AUTS2: variants seen among roughly 807,000 people sequenced by gnomAD.
AUTS2 encodes autism susceptibility gene 2 protein.
A neutral mutation model predicts 112.4 loss-of-function variants in AUTS2; 17 were observed. The observed-to-expected ratio is 0.15, with a 90% CI of 0.10 to 0.23. AUTS2 has a LOEUF of 0.23. Among genes scored for constraint, AUTS2 ranks in the 10% least tolerant of loss-of-function variants. AUTS2 has a pLI of 1.00. For synonymous variants in AUTS2, 751 were observed against 702.7 expected (o/e 1.07, Z -1.09); for missense variants, 1,510 against 1,701.6 (o/e 0.89, Z 1.98).
intron 4 of AUTS2, among the ~76,000 whole-genome samples, chr7:70,315,924 T>G (rs1789973604): frequency 6.6e-6 from 1 of 152,228 alleles, no homozygotes; most frequent in Non-Finnish European, 1.5e-5. Flanking sequence ...TGTACATATA[T>G]TATTTAGTTG....
intron 1 of AUTS2, among the ~76,000 whole-genome samples, chr7:69,836,068 A>G (rs978582213): frequency 6.6e-6 from 1 of 152,228 alleles, no homozygotes; most frequent in Non-Finnish European, 1.5e-5. Flanking sequence ...AAGCCTTACA[A>G]AATTATGTGC....
chr7:70,494,595 C>A lies in AUTS2; in HGVS notation c.690+58814C>A, dbSNP rs540667434. Among the ~76,000 whole-genome samples, 15 of 151,302 alleles carry A rather than the reference C, an allele frequency of 9.9e-5. 1 individual carries two copies. In the South Asian group the frequency reaches 3.2e-3, roughly 32 times the overall value. On this transcript the variant is annotated intron_variant, in intron 5 of 18. Coordinates refer to ENST00000342771, the MANE Select transcript of AUTS2 (RefSeq NM_015570.4). ...CGCCCCTCCCCCCCGACACTCAGAT[C>A]CCTTCAGTTCCCACTGGCTGCCATT...
intron 1 of AUTS2, among the ~76,000 whole-genome samples, chr7:69,638,650 A>G (rs765868929): frequency 7.2e-5 from 11 of 152,076 alleles, no homozygotes; most frequent in Admixed American, 7.2e-4. Flanking sequence ...CTTTCTTTCT[A>G]TAATATTTTC....
intron 4 of AUTS2, among the ~76,000 whole-genome samples, chr7:70,231,042 T>G (rs1313101676): frequency 6.6e-6 from 1 of 152,220 alleles, no homozygotes; most frequent in Non-Finnish European, 1.5e-5. Context: ...TGAGGTTCGG[T>G]GAGTTTTCTT....
In AUTS2 at chr7:69,899,326, G is replaced by T. The variant is rs775004644; in HGVS notation, c.350G>T (p.Arg117Leu). 1.2e-6 allele frequency: 2 copies of T among 1,613,882 alleles called. No homozygotes were observed. Among genetic ancestry groups the T allele is most frequent in the African/African-American group, 1.3e-5 (1 of 75,022 alleles). Residue 117 changes from arginine (R) to leucine (L), a missense_variant, in exon 2 of 19, where the codon CGC becomes CTC. Physicochemically the swap from Arg to Leu is moderately radical, Grantham distance 102. Coordinates refer to ENST00000342771, the MANE Select transcript of AUTS2 (RefSeq NM_015570.4). ...ALKPQERVEK[R>L]QTPLTKKKRE... Reference sequence around the variant, plus strand: ...AAGCCTCAGGAACGTGTGGAGAAACGCCAGACGCCCCTGACCAAGAAGAAA... The same window carrying T: ...AAGCCTCAGGAACGTGTGGAGAAACTCCAGACGCCCCTGACCAAGAAGAAA...
At chr7:70,310,999 G>T (rs564053869) in intron 4 of AUTS2, among the ~76,000 whole-genome samples, 1 of 152,122 alleles carries the variant, frequency 6.6e-6, no homozygotes, top group East Asian at 1.9e-4. Context: ...CTAGATTTTT[G>T]TGTCTCCAGT....
At chr7:70,555,453 G>T (rs758603692) in intron 5 of AUTS2, among the ~76,000 whole-genome samples, 35 of 152,154 alleles carry the variant, frequency 2.3e-4, no homozygotes, top group Non-Finnish European at 4.1e-4. Flanking sequence ...TACCCCAGGG[G>T]AGGAGATGGT....
intron 6 of AUTS2, among the ~76,000 whole-genome samples, chr7:70,712,145 TC>T (rs926258400): frequency 2.2e-5 from 3 of 136,094 alleles, no homozygotes; most frequent in African/African-American, 8.3e-5. Flanking sequence ...AGCCTCAGCC[TC>T]CCAAGTAGGC....
Position 69,657,390 on chromosome 7 carries a change from C to A in AUTS2, c.309+57428C>A, listed in dbSNP as rs184496167. ...GGGAAAAAACCTGTTTGATTTTTTT[C>A]CTATCCCAGAGTACTTGAAAATTAT... is the stretch of plus-strand genomic sequence containing the variant. On this transcript the variant is annotated intron_variant, in intron 1 of 18. Transcript: ENST00000342771. Among the ~76,000 whole-genome samples the A allele has an allele frequency of 2.6e-5, 4 of 152,248 alleles. No individual in the cohort carries two copies. In the East Asian group the frequency reaches 7.7e-4, roughly 29 times the overall value.
intron 4 of AUTS2, among the ~76,000 whole-genome samples, chr7:70,309,319 T>G (rs772646562): frequency 6.6e-6 from 1 of 152,200 alleles, no homozygotes; most frequent in Non-Finnish European, 1.5e-5. Flanking sequence ...GTTTTGATAG[T>G]GCGGAGATCA....
intron 4 of AUTS2, among the ~76,000 whole-genome samples, chr7:70,341,214 T>G (rs1367175000): frequency 6.6e-6 from 1 of 152,236 alleles, no homozygotes; most frequent in Non-Finnish European, 1.5e-5. Flanking sequence ...TCATTGCTTT[T>G]TAATGAACTC....
intron 1 of AUTS2, among the ~76,000 whole-genome samples, chr7:69,834,136 C>G (rs985116493): frequency 1.3e-5 from 2 of 152,134 alleles, no homozygotes; most frequent in African/African-American, 4.8e-5. Context: ...GTTAAACTCC[C>G]CTGCACCTCT....
intron 5 of AUTS2, among the ~76,000 whole-genome samples, chr7:70,492,802 C>G (rs929146077): frequency 6.6e-6 from 1 of 152,154 alleles, no homozygotes; most frequent in Non-Finnish European, 1.5e-5. Flanking sequence ...CACTCCGGGC[C>G]CACACTATGC....
chr7:69,704,281 A>AT lies in AUTS2; in HGVS notation c.309+104333dup, dbSNP rs547599037. On this transcript the variant is annotated intron_variant, in intron 1 of 18. Coordinates refer to ENST00000342771, the MANE Select transcript of AUTS2 (RefSeq NM_015570.4). ...CTCTACAGTCTGGCTCTAAAATACA[A>AT]TTTTTTTTTTTTTTGAGACGGAGTC... Among the ~76,000 whole-genome samples, 850 of 145,076 alleles carry AT rather than the reference A, an allele frequency of 5.9e-3. 12 individuals carry two copies. In the South Asian group the frequency reaches 0.067, roughly 11 times the overall value.
rs747331839 is a variant in AUTS2, at chr7:70,070,404, C to T, written c.523-47728C>T. Among the ~76,000 whole-genome samples the T allele has an allele frequency of 3.4e-3, 485 of 140,904 alleles. 2 individuals carry two copies. The highest frequency in any genetic ancestry group is 6.0e-3 in the Non-Finnish European group (393 of 65,262). 92.4% of individuals were successfully genotyped at this position (140,904 alleles called of 152,430 possible). The stretch of plus-strand genomic sequence containing the variant: ...CCTGGCCAACATGGCAAAACCCCGT[C>T]TCTTAAAAAAAAAAAAAAAAAAAAA... On this transcript the variant is annotated intron_variant, in intron 2 of 18. Coordinates refer to ENST00000342771, the MANE Select transcript of AUTS2 (RefSeq NM_015570.4).
chr7:70,666,536 C>G (rs1020361944), intron 5 of AUTS2, among the ~76,000 whole-genome samples: 1 of 152,134 alleles, frequency 6.6e-6, no homozygotes, highest in African/African-American at 2.4e-5. Flanking sequence ...GTCCTGAGAC[C>G]CATCTAACTT....
At chr7:69,976,220 A>G (rs1001012532) in intron 2 of AUTS2, among the ~76,000 whole-genome samples, 10 of 152,314 alleles carry the variant, frequency 6.6e-5, no homozygotes, top group African/African-American at 1.9e-4. Context: ...GAATTTGACT[A>G]CTGTGGATAC....
chr7:70,323,232 A>G (rs1790335853), intron 4 of AUTS2, among the ~76,000 whole-genome samples: 1 of 152,350 alleles, frequency 6.6e-6, no homozygotes, highest in Admixed American at 6.5e-5. Context: ...CAAAACAGGC[A>G]GACCTAAGTT....
chr7:70,491,407 TGC>T (rs1417468238), intron 5 of AUTS2, among the ~76,000 whole-genome samples: 4 of 126,354 alleles, frequency 3.2e-5, no homozygotes, highest in African/African-American at 1.4e-4. Flanking sequence ...TTGGTGTGTG[TGC>T]GTGTGTGTAT....
Sources: allele counts gnomAD v4.1 joint callset (sites outside exome capture counted in the v4.1 genomes callset), GRCh38; gene constraint gnomAD v4.1.1; transcripts MANE v1.5; gene names NCBI Gene and HGNC (gene_info 2026-07-23, HGNC 2026-07-21).